DGKB: variants seen among roughly 807,000 people sequenced by gnomAD.
DGKB encodes the protein 90 kDa diacylglycerol kinase.
A neutral mutation model predicts 114.3 loss-of-function variants in DGKB; 67 were observed. The ratio of observed to expected loss-of-function variants is 0.59; its 90% CI spans 0.48 to 0.72. The LOEUF (loss-of-function observed/expected upper bound fraction) is 0.72. Ranked by LOEUF, DGKB falls within the 30% of genes least tolerant of loss-of-function variation. The pLI is 0.00. For missense variants in DGKB, 907 were observed against 975.2 expected (o/e 0.93, Z 0.93); for synonymous variants, 398 against 323.1 (o/e 1.23, Z -2.49).
intron 1 of DGKB, among the ~76,000 whole-genome samples, chr7:14,887,727 TTTC>T (rs1391494192): frequency 2.6e-5 from 4 of 151,840 alleles, no homozygotes; most frequent in African/African-American, 9.7e-5. Context: ...CCTGACTTAT[TTTC>T]TTCATGACAT....
At chr7:14,383,566 G>A (rs1011571738) in intron 21 of DGKB, among the ~76,000 whole-genome samples, 4 of 152,162 alleles carry the variant, frequency 2.6e-5, no homozygotes, top group African/African-American at 9.7e-5. Flanking sequence ...TCTCCAATGT[G>A]TGGTTTCTAA....
At chr7:14,434,095 G>C (rs1203250099) in intron 21 of DGKB, among the ~76,000 whole-genome samples, 1 of 152,092 alleles carries the variant, frequency 6.6e-6, no homozygotes, top group African/African-American at 2.4e-5. Context: ...TTCATTTTTG[G>C]AGTATAAGAT....
chr7:14,397,484 A>G (rs1420673048), intron 21 of DGKB, among the ~76,000 whole-genome samples: 1 of 152,066 alleles, frequency 6.6e-6, no homozygotes, highest in Non-Finnish European at 1.5e-5. Flanking sequence ...TACTCCTTTT[A>G]AGATAGTAAA....
At chr7:14,199,278 A>G (rs999127022) in intron 23 of DGKB, among the ~76,000 whole-genome samples, 1 of 152,082 alleles carries the variant, frequency 6.6e-6, no homozygotes, top group Non-Finnish European at 1.5e-5. Context: ...GATGGGTCTC[A>G]GATGAAAGAC....
chr7:14,231,521 A>C (rs1791842513), intron 23 of DGKB, among the ~76,000 whole-genome samples: 3 of 152,054 alleles, frequency 2.0e-5, no homozygotes, highest in African/African-American at 4.8e-5. Context: ...AATCATGAAA[A>C]GATTTCTGCA....
intron 6 of DGKB, among the ~76,000 whole-genome samples, chr7:14,712,631 A>T (rs1190252701): frequency 6.6e-6 from 1 of 152,094 alleles, no homozygotes; most frequent in Non-Finnish European, 1.5e-5. Context: ...AGACTGTGCC[A>T]CTGCACTCCA....
intron 13 of DGKB, among the ~76,000 whole-genome samples, chr7:14,631,803 T>C (rs1041436019): frequency 6.6e-6 from 1 of 152,004 alleles, no homozygotes; most frequent in Non-Finnish European, 1.5e-5. Flanking sequence ...CTGAATAAAA[T>C]TGCAAGACAT....
At chr7:14,156,452 GTA>G (rs1783040093) in intron 25 of DGKB, among the ~76,000 whole-genome samples, 2 of 152,078 alleles carry the variant, frequency 1.3e-5, no homozygotes, top group Non-Finnish European at 2.9e-5. Context: ...TGGGCTATAT[GTA>G]AATAAATTAA....
At chr7:14,738,787 A>C (rs1338575418) in intron 4 of DGKB, among the ~76,000 whole-genome samples, 1 of 152,236 alleles carries the variant, frequency 6.6e-6, no homozygotes, top group African/African-American at 2.4e-5. Flanking sequence ...AACTTCCAGA[A>C]GTAGTAAAGG....
At chr7:14,419,788 G>T (rs964937856) in intron 21 of DGKB, among the ~76,000 whole-genome samples, 3 of 151,966 alleles carry the variant, frequency 2.0e-5, no homozygotes, top group Non-Finnish European at 4.4e-5. Flanking sequence ...TGTGACAAAT[G>T]AGTGTAAAAT....
At chr7:14,635,079 C>A (rs988432088) in intron 13 of DGKB, among the ~76,000 whole-genome samples, 1 of 151,412 alleles carries the variant, frequency 6.6e-6, no homozygotes, top group Admixed American at 6.6e-5. Flanking sequence ...ATTTTAAAAG[C>A]TACACATATT....
chr7:14,652,264 A>G (rs1351972451), intron 13 of DGKB, among the ~76,000 whole-genome samples: 1 of 152,198 alleles, frequency 6.6e-6, no homozygotes, highest in African/African-American at 2.4e-5. Flanking sequence ...ACAAGTCTAC[A>G]GTAACCCAAA....
At chr7:14,663,877 GAA>G (rs1249217312) in intron 13 of DGKB, among the ~76,000 whole-genome samples, 1 of 151,698 alleles carries the variant, frequency 6.6e-6, no homozygotes, top group Non-Finnish European at 1.5e-5. Flanking sequence ...TAACACTTCT[GAA>G]AAGAGGCAGC....
intron 23 of DGKB, among the ~76,000 whole-genome samples, chr7:14,323,294 G>A (rs186463158): frequency 5.9e-5 from 9 of 152,242 alleles, no homozygotes; most frequent in Admixed American, 3.3e-4. Flanking sequence ...AGTGAACTAG[G>A]GGTTTCTGTG....
At chr7:14,332,742 T>G (rs1809951581) in intron 23 of DGKB, among the ~76,000 whole-genome samples, 1 of 152,196 alleles carries the variant, frequency 6.6e-6, no homozygotes, top group Non-Finnish European at 1.5e-5. Flanking sequence ...CATCTCATTT[T>G]CCATCAGTGG....
intron 13 of DGKB, among the ~76,000 whole-genome samples, chr7:14,659,114 C>G (rs950057062): frequency 2.0e-5 from 3 of 152,014 alleles, no homozygotes; most frequent in Non-Finnish European, 2.9e-5. Flanking sequence ...TGTTCCCTTC[C>G]CTGTGCCCAT....
chr7:14,895,717 T>C (rs1365324379), intron 1 of DGKB, among the ~76,000 whole-genome samples: 1 of 151,592 alleles, frequency 6.6e-6, no homozygotes, highest in African/African-American at 2.4e-5. Flanking sequence ...TACAGGACCG[T>C]GGTATAAGTA....
chr7:14,914,660 A>C (rs536512551), intron 1 of DGKB, among the ~76,000 whole-genome samples: 3 of 152,020 alleles, frequency 2.0e-5, no homozygotes, highest in Non-Finnish European at 4.4e-5. Flanking sequence ...CAAAGCAAGC[A>C]TCAGAACTAG....
chr7:14,371,976 A>C (rs1268185028), intron 21 of DGKB, among the ~76,000 whole-genome samples: 1 of 152,138 alleles, frequency 6.6e-6, no homozygotes, highest in Non-Finnish European at 1.5e-5. Context: ...AGAATGACTG[A>C]CTTTGTATGC....
Sources: gnomAD v4.1 joint callset for allele counts (sites outside exome capture counted in the v4.1 genomes callset) on GRCh38, gnomAD v4.1.1 for gene constraint, MANE v1.5 for transcripts, NCBI Gene and HGNC (gene_info 2026-07-23, HGNC 2026-07-21) for gene names.